Variants in SIL1 observed in about 807,000 individuals in gnomAD.
SIL1 encodes the protein nucleotide exchange factor SIL1.
A neutral mutation model predicts 49.1 loss-of-function variants in SIL1; 40 were observed. The ratio of observed to expected loss-of-function variants is 0.81; its 90% CI spans 0.63 to 1.06. The LOEUF (loss-of-function observed/expected upper bound fraction) is 1.06, where lower values mean the gene tolerates loss of function less well. Ranked by LOEUF, SIL1 falls within the 50% of genes least tolerant of loss-of-function variation. SIL1 has a pLI of 0.00. For missense variants in SIL1, 500 were observed against 572.6 expected, an observed-to-expected ratio of 0.87 and a Z score of 1.29; for synonymous variants, 253 against 250.8, an observed-to-expected ratio of 1.01 and a Z score of -0.08.
intron 2 of SIL1, among the ~76,000 whole-genome samples, chr5:139,124,991 C>A (rs1750725426): frequency 6.6e-6 from 1 of 152,184 alleles, no homozygotes; most frequent in Non-Finnish European, 1.5e-5. Context: ...TAAGTTGTGC[C>A]CTGAGAGCTG....
At chr5:139,025,708 T>A (rs1768631374) in intron 6 of SIL1, among the ~76,000 whole-genome samples, 1 of 152,002 alleles carries the variant, frequency 6.6e-6, no homozygotes, top group Non-Finnish European at 1.5e-5. Context: ...AGGCCCTCAA[T>A]CTCCCCAAGC....
At chr5:139,063,144 A>G (rs1769631312) in intron 3 of SIL1, among the ~76,000 whole-genome samples, 1 of 152,240 alleles carries the variant, frequency 6.6e-6, no homozygotes, top group Non-Finnish European at 1.5e-5. Flanking sequence ...ACCCTGACCC[A>G]GAGGAATGGG....
At chr5:138,998,586 T>A (rs1042118216) in intron 7 of SIL1, among the ~76,000 whole-genome samples, 1 of 152,168 alleles carries the variant, frequency 6.6e-6, no homozygotes, top group East Asian at 1.9e-4. Context: ...TTTATAATCA[T>A]GATATAAGGC....
chr5:139,007,238 C>G (rs371463902), intron 7 of SIL1, among the ~76,000 whole-genome samples: 1 of 129,382 alleles, frequency 7.7e-6, no homozygotes, highest in Non-Finnish European at 1.6e-5. Context: ...AATGGGAGTT[C>G]ACTCATGATT....
At chr5:139,161,196 T>C (rs986244330) in intron 1 of SIL1, among the ~76,000 whole-genome samples, 8 of 152,128 alleles carry the variant, frequency 5.3e-5, no homozygotes, top group Non-Finnish European at 1.2e-4. Context: ...TGAACTGAGA[T>C]CGCGCCATTG....
At chr5:138,979,218 C>A (rs1216126129) in intron 7 of SIL1, among the ~76,000 whole-genome samples, 1 of 152,002 alleles carries the variant, frequency 6.6e-6, no homozygotes, top group East Asian at 1.9e-4. Context: ...GAGTGCACCA[C>A]CACGCCCAGC....
At chr5:138,960,749 T>A (rs1767003820) in intron 7 of SIL1, among the ~76,000 whole-genome samples, 1 of 152,212 alleles carries the variant, frequency 6.6e-6, no homozygotes, top group South Asian at 2.1e-4. Context: ...GCCACGGCAC[T>A]CGGCCTCAAA....
intron 7 of SIL1, among the ~76,000 whole-genome samples, chr5:138,993,397 A>G (rs758433807): frequency 4.6e-5 from 7 of 152,212 alleles, no homozygotes; most frequent in Admixed American, 3.3e-4. Flanking sequence ...CATGGAAAAA[A>G]TAAATATCTA....
intron 1 of SIL1, among the ~76,000 whole-genome samples, chr5:139,161,716 G>C (rs1561885405): frequency 6.6e-6 from 1 of 152,002 alleles, no homozygotes. Context: ...CCCTAGAAAA[G>C]CAAAGAATTA....
At chr5:138,992,839 C>T (rs1767786753) in intron 7 of SIL1, among the ~76,000 whole-genome samples, 1 of 152,018 alleles carries the variant, frequency 6.6e-6, no homozygotes, top group Admixed American at 6.6e-5. Flanking sequence ...GGCAACTAAA[C>T]ACCACCTGTT....
At chr5:139,190,014 G>C (rs1361773279) in intron 1 of SIL1, among the ~76,000 whole-genome samples, 1 of 152,120 alleles carries the variant, frequency 6.6e-6, no homozygotes, top group Admixed American at 6.6e-5. Context: ...GAATTCTTAA[G>C]ATAGCTATAA....
At chr5:139,113,031 T>A (rs553692079) in intron 3 of SIL1, among the ~76,000 whole-genome samples, 1 of 152,308 alleles carries the variant, frequency 6.6e-6, no homozygotes, top group East Asian at 1.9e-4. Flanking sequence ...ATGTGCTGTG[T>A]CCACTCAGGG....
intron 7 of SIL1, among the ~76,000 whole-genome samples, chr5:138,979,069 A>T (rs1355770422): frequency 2.7e-5 from 4 of 147,552 alleles, no homozygotes; most frequent in African/African-American, 1.1e-4. Flanking sequence ...ATTTAATTTT[A>T]TTTTATTTTT....
In SIL1 at chr5:138,946,967, C is replaced by T. The variant is rs1766642268; in HGVS notation, c.*150G>A. The T allele has an allele frequency of 1.4e-6, 1 of 707,702 alleles. No individual in the cohort carries two copies. The highest frequency in any genetic ancestry group is 2.5e-6 in the Non-Finnish European group (1 of 393,830). 43.8% of individuals were successfully genotyped at this position (707,702 alleles called of 1,614,324 possible). A position where few individuals can be genotyped will look rare whatever the true frequency, so the allele number is the denominator to read the frequency against. On this transcript the variant is annotated 3_prime_UTR_variant, in exon 10 of 10. Coordinates refer to ENST00000394817, the MANE Select transcript of SIL1 (RefSeq NM_022464.5). ...GCCACAGGGCTGTGCCCAGTCTACACAGACACACAGCAGAAAGAGGATGGC... is the reference window on the plus strand; with the variant it reads ...GCCACAGGGCTGTGCCCAGTCTACATAGACACACAGCAGAAAGAGGATGGC...
At chr5:139,179,974 T>C (rs1312540771) in intron 1 of SIL1, among the ~76,000 whole-genome samples, 2 of 151,422 alleles carry the variant, frequency 1.3e-5, no homozygotes, top group African/African-American at 2.4e-5. Context: ...GAGGATCTCT[T>C]GACCTCAGGA....
chr5:139,055,183 G>A (rs900239782), intron 3 of SIL1, among the ~76,000 whole-genome samples: 2 of 152,124 alleles, frequency 1.3e-5, no homozygotes, highest in African/African-American at 4.8e-5. Context: ...CTGATCCCAA[G>A]GCTGACTATC....
At chr5:139,189,775 T>C (rs539325864) in intron 1 of SIL1, among the ~76,000 whole-genome samples, 18 of 152,308 alleles carry the variant, frequency 1.2e-4, no homozygotes, top group African/African-American at 4.1e-4. Context: ...GAGCCAAGAC[T>C]GTGCCACTGA....
intron 1 of SIL1, among the ~76,000 whole-genome samples, chr5:139,197,268 CAAAAAAAAA>C (rs11363617): frequency 5.1e-5 from 3 of 58,830 alleles, no homozygotes; most frequent in East Asian, 1.2e-3. Context: ...AACTCCGCCT[CAAAAAAAAA>C]AAAAAAAAAA....
chr5:139,009,675 C>G (rs1378268376), intron 7 of SIL1, among the ~76,000 whole-genome samples: 1 of 151,204 alleles, frequency 6.6e-6, no homozygotes, highest in Admixed American at 6.6e-5. Context: ...CAAAATCTCT[C>G]AGCATTTGCT....
Sources: allele counts gnomAD v4.1 joint callset (sites outside exome capture counted in the v4.1 genomes callset), GRCh38; gene constraint gnomAD v4.1.1; transcripts MANE v1.5; gene names NCBI Gene and HGNC (gene_info 2026-07-23, HGNC 2026-07-21).